The following TENM2 variants were observed in gnomAD, a reference collection of about 807,000 sequenced individuals.
The protein encoded by TENM2 is teneurin transmembrane protein 2.
In TENM2, 52 loss-of-function variants were observed where a neutral mutation model predicts 245.2. That is an observed-to-expected ratio of 0.21 (90% confidence interval 0.17 to 0.27). The LOEUF is 0.27. Among genes scored for constraint, TENM2 ranks in the 10% least tolerant of loss-of-function variants. The pLI, the probability that TENM2 is intolerant of heterozygous loss-of-function variation, is 1.00. For missense variants in TENM2, 3,046 were observed against 3,666.8 expected (o/e 0.83, Z 4.37); for synonymous variants, 1,363 against 1,438.9 (o/e 0.95, Z 1.19).
chr5:167,830,662 A>G (rs1768389219), intron 2 of TENM2, among the ~76,000 whole-genome samples: 1 of 152,192 alleles, frequency 6.6e-6, no homozygotes, highest in Admixed American at 6.5e-5. Context: ...CTCAGGCTCA[A>G]AAGTTTATGA....
At chr5:167,075,579 A>G in the TENM2 span, among the ~76,000 whole-genome samples, 2 of 152,214 alleles carry the variant, frequency 1.3e-5, no homozygotes, top group Admixed American at 1.3e-4. Context: ...TGAAGTTCTC[A>G]GGTGTTTTAC....
chr5:167,024,839 C>A, the TENM2 span, among the ~76,000 whole-genome samples: 1 of 152,116 alleles, frequency 6.6e-6, no homozygotes, highest in African/African-American at 2.4e-5. Flanking sequence ...TTTTTCAACA[C>A]CTGATAGCCT....
the TENM2 span, among the ~76,000 whole-genome samples, chr5:167,070,107 A>ATTTATTTATTTATTTATT: frequency 1.3e-4 from 7 of 54,962 alleles, no homozygotes; most frequent in Non-Finnish European, 3.2e-4. Flanking sequence ...CATTTGACAA[A>ATTTATTTATTTATTTATT]TATTTATTTA....
chr5:167,870,903 C>G (rs1335893461), intron 2 of TENM2, among the ~76,000 whole-genome samples: 1 of 151,966 alleles, frequency 6.6e-6, no homozygotes, highest in Non-Finnish European at 1.5e-5. Flanking sequence ...TGCCATTAAT[C>G]TGTTGAATAA....
chr5:167,771,992 C>A (rs1201837815), intron 2 of TENM2, among the ~76,000 whole-genome samples: 1 of 152,080 alleles, frequency 6.6e-6, no homozygotes, highest in Non-Finnish European at 1.5e-5. Flanking sequence ...CCATACAGTA[C>A]CTGGGACTTA....
At chr5:167,171,647 A>C in the TENM2 span, among the ~76,000 whole-genome samples, 2 of 152,180 alleles carry the variant, frequency 1.3e-5, no homozygotes, top group East Asian at 3.9e-4. Flanking sequence ...TGAAAGATTA[A>C]CTACTCAATA....
At chr5:167,815,741 G>T (rs930613004) in intron 2 of TENM2, among the ~76,000 whole-genome samples, 1 of 151,926 alleles carries the variant, frequency 6.6e-6, no homozygotes, top group African/African-American at 2.4e-5. Context: ...CTTGGAAAAG[G>T]GTGGGAGAGT....
At chr5:167,894,989 GGAGGGAA>G (rs1230621309) in intron 3 of TENM2, among the ~76,000 whole-genome samples, 26 of 137,832 alleles carry the variant, frequency 1.9e-4, no homozygotes, top group South Asian at 2.5e-4. Flanking sequence ...AAGGAAGGAA[GGAGGGAA>G]GGAAGGAAGG....
chr5:167,436,170 G>A (rs532363068), intron 2 of TENM2, among the ~76,000 whole-genome samples: 11 of 151,546 alleles, frequency 7.3e-5, no homozygotes, highest in Admixed American at 5.3e-4. Flanking sequence ...GTAGAGACAG[G>A]GTTTCACCGT....
chr5:167,424,620 C>A (rs2127429971), intron 2 of TENM2, among the ~76,000 whole-genome samples: 1 of 152,200 alleles, frequency 6.6e-6, no homozygotes, highest in East Asian at 1.9e-4. Flanking sequence ...CTTAACCTCT[C>A]AATACAATTA....
chr5:167,643,515 TATAAATAAATGA>T (rs1343268722), intron 2 of TENM2, among the ~76,000 whole-genome samples: 1 of 152,232 alleles, frequency 6.6e-6, no homozygotes, highest in Non-Finnish European at 1.5e-5. Context: ...TAAAAAAGGC[TATAAATAAATGA>T]ATATTTATTT....
At chr5:167,237,384 T>G in the TENM2 span, among the ~76,000 whole-genome samples, 1 of 152,248 alleles carries the variant, frequency 6.6e-6, no homozygotes, top group Non-Finnish European at 1.5e-5. Flanking sequence ...GAATACTTGC[T>G]GGCCACATTC....
chr5:167,628,550 T>C (rs1778663667), intron 2 of TENM2, among the ~76,000 whole-genome samples: 1 of 152,224 alleles, frequency 6.6e-6, no homozygotes, highest in African/African-American at 2.4e-5. Flanking sequence ...TCAGTACCTC[T>C]TCCTTTCTCT....
intron 2 of TENM2, among the ~76,000 whole-genome samples, chr5:167,506,820 G>C (rs1206883461): frequency 6.6e-6 from 1 of 152,098 alleles, no homozygotes; most frequent in African/African-American, 2.4e-5. Context: ...TAGAAGATTT[G>C]CTGTATAGTA....
chr5:167,607,107 G>A (rs963078179), intron 2 of TENM2, among the ~76,000 whole-genome samples: 2 of 152,118 alleles, frequency 1.3e-5, no homozygotes, highest in Non-Finnish European at 2.9e-5. Context: ...GAAAGAGAGG[G>A]CTGGCTCTAG....
chr5:168,145,588 G>A (rs1755986347), intron 12 of TENM2, among the ~76,000 whole-genome samples: 1 of 151,422 alleles, frequency 6.6e-6, no homozygotes. Flanking sequence ...CTGTAGCCTT[G>A]TAGTATAGTT....
At chr5:167,748,956 A>G (rs1405515535) in intron 2 of TENM2, among the ~76,000 whole-genome samples, 1 of 152,104 alleles carries the variant, frequency 6.6e-6, no homozygotes, top group Non-Finnish European at 1.5e-5. Flanking sequence ...TATATTGCCT[A>G]GGCTGGTCTC....
intron 2 of TENM2, chr5:167,653,843 CTT>C (rs1302435921): frequency 6.6e-6 from 1 of 152,180 alleles, no homozygotes; most frequent in Admixed American, 6.6e-5. Flanking sequence ...GGGAAGAAGT[CTT>C]TATTCCTGTT....
At chr5:167,225,894 A>G in the TENM2 span, among the ~76,000 whole-genome samples, 1 of 151,954 alleles carries the variant, frequency 6.6e-6, no homozygotes, top group Admixed American at 6.5e-5. Flanking sequence ...CGAACTTGGT[A>G]GGTTTTATGT....
Sources: allele counts gnomAD v4.1 joint callset (sites outside exome capture counted in the v4.1 genomes callset), GRCh38; gene constraint gnomAD v4.1.1; transcripts MANE v1.5; gene names NCBI Gene and HGNC (gene_info 2026-07-23, HGNC 2026-07-21).